Variants in ZNF236 observed in about 807,000 individuals in gnomAD.
The protein encoded by ZNF236 is zinc finger protein 236.
In ZNF236, 50 loss-of-function variants were observed where a neutral mutation model predicts 191.2. The observed-to-expected ratio is 0.26, with a 90% CI of 0.21 to 0.33. The LOEUF (loss-of-function observed/expected upper bound fraction) is 0.33, where lower values mean the gene tolerates loss of function less well. Among genes scored for constraint, ZNF236 ranks in the 10% least tolerant of loss-of-function variants. The pLI is 1.00. For synonymous variants in ZNF236, 907 were observed against 928.8 expected, an observed-to-expected ratio of 0.98 and a Z score of 0.43; for missense variants, 1,754 against 2,374.5, an observed-to-expected ratio of 0.74 and a Z score of 5.43.
At chr18:76,827,014 A>G (rs1336531961) in intron 1 of ZNF236, among the ~76,000 whole-genome samples, 5 of 152,038 alleles carry the variant, frequency 3.3e-5, no homozygotes, top group Admixed American at 3.3e-4. Context: ...CTCCTGCCTC[A>G]GCCTCCTGAG....
At chr18:76,921,582 A>G (rs576857186) in intron 20 of ZNF236, among the ~76,000 whole-genome samples, 2 of 152,244 alleles carry the variant, frequency 1.3e-5, no homozygotes, top group Admixed American at 1.3e-4. Flanking sequence ...AGGCCTGGCA[A>G]GGGTGTCACA....
chr18:76,895,304 G>T lies in ZNF236; in HGVS notation c.1690+19G>T, dbSNP rs761833414. 2.2e-5 allele frequency: 35 copies of T among 1,594,680 alleles called. No individual in the cohort carries two copies. In the African/African-American group the frequency reaches 4.5e-4, roughly 21 times the overall value. ...CACACAGGTATGGCCTCAGGGCTGG[G>T]CCCACACGGGCACTGGCCACGGGGG... is the stretch of plus-strand genomic sequence containing the variant. On this transcript the variant is annotated intron_variant, in intron 10 of 30. Coordinates refer to ENST00000320610, the MANE Select transcript of ZNF236 (RefSeq NM_001306089.2).
intron 9 of ZNF236, chr18:76,886,028 G>C (rs562424225): frequency 6.6e-6 from 1 of 152,362 alleles, no homozygotes; most frequent in Non-Finnish European, 1.5e-5. Context: ...GTTCCTAACA[G>C]AAGTTTAAAC....
chr18:76,937,800 CAGT>C (rs1968040079), intron 26 of ZNF236, among the ~76,000 whole-genome samples: 1 of 152,034 alleles, frequency 6.6e-6, no homozygotes, highest in African/African-American at 2.4e-5. Context: ...GAATTCCTAC[CAGT>C]AGAAGTGCTG....
chr18:76,849,715 G>T lies in ZNF236; in HGVS notation c.198+47G>T. ...GTCAGGAATGTGAGCGTTGAAACTG[G>T]AGGTATTGTAAAAATGAACAAGTAA... On this transcript the variant is annotated intron_variant, in intron 2 of 30. Transcript: ENST00000320610. 2.1e-6 allele frequency: 3 copies of T among 1,422,974 alleles called. No homozygotes were observed. In the South Asian group the frequency reaches 5.2e-5, roughly 25 times the overall value. The allele number at this position is 1,422,974 out of a possible 1,614,324, so 88.1% of individuals were successfully genotyped here.
intron 9 of ZNF236, among the ~76,000 whole-genome samples, chr18:76,894,145 G>A (rs1276383238): frequency 6.6e-6 from 1 of 152,108 alleles, no homozygotes; most frequent in Non-Finnish European, 1.5e-5. Context: ...TTAAAAATAA[G>A]GTGATTCTAA....
Position 76,925,775 on chromosome 18 carries a change from C to T in ZNF236, c.4027+221C>T, listed in dbSNP as rs1474854767. Among the ~76,000 whole-genome samples, 1 of 152,228 alleles carries T rather than the reference C, an allele frequency of 6.6e-6. No individual in the cohort carries two copies. The highest frequency in any genetic ancestry group is 2.4e-5 in the African/African-American group (1 of 41,476). On this transcript the variant is annotated intron_variant, in intron 22 of 30. Coordinates refer to ENST00000320610, the MANE Select transcript of ZNF236 (RefSeq NM_001306089.2). This position sits in a 1 kb window ranked among gnomAD's most constrained non-coding sequence, Gnocchi z 5.7. ...GTCTTCCATGCCAGCTGCTTTTTTA[C>T]ACTAAGCACTTTGTTTAGCTTTTGT...
intron 9 of ZNF236, among the ~76,000 whole-genome samples, chr18:76,890,420 G>A (rs1049643786): frequency 6.6e-6 from 1 of 151,978 alleles, no homozygotes; most frequent in Non-Finnish European, 1.5e-5. Flanking sequence ...TTTATCATTG[G>A]TGTCAGTAAC....
rs150064314 is a variant in ZNF236, at chr18:76,929,726, T to C, written c.4594+1620T>C. Among the ~76,000 whole-genome samples the C allele has an allele frequency of 3.7e-3, 559 of 152,354 alleles. 9 individuals carry two copies. The highest frequency in any genetic ancestry group is 0.013 in the African/African-American group (536 of 41,586). On this transcript the variant is annotated intron_variant, in intron 25 of 30. Transcript: ENST00000320610. ...TCAGATTGTTTTTTCTCACTTATTA[T>C]GATGGATAATGAGAATTGGCTATAC...
At chr18:76,902,452 A>G (rs1977623158) in intron 11 of ZNF236, among the ~76,000 whole-genome samples, 2 of 152,172 alleles carry the variant, frequency 1.3e-5, no homozygotes, top group Admixed American at 6.5e-5. Context: ...GGAAGAGGAA[A>G]CCTGCATCCA....
intron 9 of ZNF236, among the ~76,000 whole-genome samples, chr18:76,889,054 T>G (rs1211005393): frequency 6.6e-6 from 1 of 152,236 alleles, no homozygotes; most frequent in East Asian, 1.9e-4. Flanking sequence ...CCTGCACTTC[T>G]GACTCTTGCT....
At chr18:76,847,704 C>T (rs1187686929) in intron 1 of ZNF236, among the ~76,000 whole-genome samples, 6 of 152,094 alleles carry the variant, frequency 3.9e-5, no homozygotes, top group Non-Finnish European at 7.4e-5. Context: ...CTCCTGACTT[C>T]GTGTTCCACC....
At chr18:76,868,897 C>T (rs1405518456) in intron 4 of ZNF236, 34 bp downstream of exon 4, 1 of 1,547,920 alleles carries the variant, frequency 6.5e-7, no homozygotes, top group East Asian at 2.3e-5. Context: ...GTCAAAAATC[C>T]ATCTAATATG....
intron 1 of ZNF236, among the ~76,000 whole-genome samples, chr18:76,833,438 G>T (rs1975229671): frequency 6.6e-6 from 1 of 151,962 alleles, no homozygotes; most frequent in Admixed American, 6.6e-5. Flanking sequence ...TGTTTACTTT[G>T]TATTTTTTGT....
At chr18:76,846,877 C>T (rs886175152) in intron 1 of ZNF236, among the ~76,000 whole-genome samples, 2 of 152,048 alleles carry the variant, frequency 1.3e-5, no homozygotes, top group Non-Finnish European at 2.9e-5. Flanking sequence ...TCACTGCAAC[C>T]TCTGCCTCCT....
At position 76,895,279 on chromosome 18, in the gene ZNF236, C is replaced by A; in HGVS notation, c.1684C>A (p.His562Asn). The A allele has an allele frequency of 6.3e-7, 1 of 1,599,350 alleles. No homozygotes were observed. The highest frequency in any genetic ancestry group is 8.5e-7 in the Non-Finnish European group (1 of 1,179,778). The part of the protein sequence containing the change: ...SGSLKVHIRL[H>N]TGVRPFACPH... ...CAGCCTCAAGGTGCACATTCGCCTG[C>A]ACACAGGTATGGCCTCAGGGCTGGG... Residue 562 changes from histidine to asparagine, a missense_variant, in exon 10 of 31, where the codon CAC (histidine) becomes AAC (asparagine). Physicochemically the swap from His to Asn is moderately conservative, Grantham distance 68. Around this residue, in one of 5 missense-constraint regions of ZNF236, gnomAD observed 641 missense variants for 869.6 expected, o/e 0.74. Transcript: ENST00000320610.
intron 28 of ZNF236, among the ~76,000 whole-genome samples, chr18:76,959,377 C>T (rs1443276141): frequency 5.3e-5 from 8 of 152,198 alleles, no homozygotes; most frequent in East Asian, 3.8e-4. Flanking sequence ...CATGGCATGA[C>T]GCCCTTGGTC....
Position 76,939,927 on chromosome 18 carries a change from G to C in ZNF236, c.4782+2584G>C, listed in dbSNP as rs531827819. Among the ~76,000 whole-genome samples the C allele has an allele frequency of 2.8e-4, 30 of 108,794 alleles. 1 individual carries two copies. In the South Asian group the frequency reaches 8.8e-3, roughly 32 times the overall value. The allele number at this position is 108,794 out of a possible 152,430, so 71.4% of individuals were successfully genotyped here. ...CACTGCATTTGGGAACACGGTGGGCGACCCTAGCACTGCATTTGGGAACAT... is the reference window on the plus strand; with the variant it reads ...CACTGCATTTGGGAACACGGTGGGCCACCCTAGCACTGCATTTGGGAACAT... On this transcript the variant is annotated intron_variant, in intron 26 of 30. Coordinates refer to ENST00000320610, the MANE Select transcript of ZNF236 (RefSeq NM_001306089.2).
At chr18:76,824,692 A>C (rs1974967526) in intron 1 of ZNF236, among the ~76,000 whole-genome samples, 2 of 152,182 alleles carry the variant, frequency 1.3e-5, no homozygotes, top group South Asian at 4.1e-4. Context: ...CACCGATGGT[A>C]TCCCTGTCCA....
Sources: allele counts gnomAD v4.1 joint callset (sites outside exome capture counted in the v4.1 genomes callset), GRCh38; gene constraint gnomAD v4.1.1; regional missense constraint gnomAD v4.1.1; non-coding constraint Gnocchi (gnomAD v3.1); transcripts MANE v1.5; gene names NCBI Gene and HGNC (gene_info 2026-07-23, HGNC 2026-07-21).